Variants in EXOC6 observed in about 807,000 individuals in gnomAD.
EXOC6 encodes SEC15-like 1.
In EXOC6, 60 loss-of-function variants were observed where a neutral mutation model predicts 112.5. That is an observed-to-expected ratio of 0.53 (90% CI 0.43 to 0.66). The LOEUF (loss-of-function observed/expected upper bound fraction) is 0.66. EXOC6 is among the 30% of genes least tolerant of loss of function. EXOC6 has a pLI of 0.00. For synonymous variants in EXOC6, 295 were observed against 308.0 expected, an observed-to-expected ratio of 0.96 and a Z score of 0.44; for missense variants, 855 against 957.1, an observed-to-expected ratio of 0.89 and a Z score of 1.41.
In EXOC6 at chr10:93,027,685, T is replaced by G. The variant is rs78528813; in HGVS notation, c.2169+13418T>G. On this transcript the variant is annotated intron_variant, in intron 20 of 21. Coordinates refer to ENST00000260762, the MANE Select transcript of EXOC6 (RefSeq NM_019053.6). ...GACAGCACATCTATTTATAGCATGG[T>G]TTGTTGAATATTTTAAGTGCACTGT... 5.0e-3 allele frequency among the ~76,000 whole-genome samples: 756 copies of G among 152,228 alleles called. 4 individuals carry two copies. Among genetic ancestry groups the G allele is most frequent in the African/African-American group, 0.013 (529 of 41,542 alleles).
At chr10:93,008,451 G>T (rs1328915725) in intron 19 of EXOC6, among the ~76,000 whole-genome samples, 1 of 152,156 alleles carries the variant, frequency 6.6e-6, no homozygotes, top group African/African-American at 2.4e-5. Context: ...CCATAATAGG[G>T]GGGGAAGTGG....
chr10:92,848,526 C>T lies in EXOC6; in HGVS notation c.-8C>T, dbSNP rs200138547. 7.2e-7 allele frequency: 1 copy of T among 1,383,078 alleles called. No homozygotes were observed. The highest frequency in any genetic ancestry group is 9.6e-7 in the Non-Finnish European group (1 of 1,045,942). 85.7% of individuals were successfully genotyped at this position (1,383,078 alleles called of 1,614,324 possible). A position where few individuals can be genotyped will look rare whatever the true frequency, so the allele number is the denominator to read the frequency against. On this transcript the variant is annotated 5_prime_UTR_variant, in exon 1 of 22. Coordinates refer to ENST00000260762, the MANE Select transcript of EXOC6 (RefSeq NM_019053.6). ...CGCGCCTCGCTGGCTCCTCAGCTTC[C>T]AGCCAAAATGGCGGAGAACAGCGAG... is the stretch of plus-strand genomic sequence containing the variant.
intron 1 of EXOC6, among the ~76,000 whole-genome samples, chr10:92,843,430 T>A (rs1846930736): frequency 6.6e-6 from 1 of 152,260 alleles, no homozygotes; most frequent in Non-Finnish European, 1.5e-5. Context: ...AGTTCTATAA[T>A]TCTATAACAA....
At chr10:93,010,852 G>A (rs563889465) in intron 19 of EXOC6, among the ~76,000 whole-genome samples, 1 of 152,188 alleles carries the variant, frequency 6.6e-6, no homozygotes, top group African/African-American at 2.4e-5. Context: ...TTATTGTGAT[G>A]CTCAGAGCAG....
chr10:92,989,514 T>G (rs1027977870), intron 18 of EXOC6, among the ~76,000 whole-genome samples: 4 of 152,206 alleles, frequency 2.6e-5, no homozygotes, highest in African/African-American at 9.6e-5. Flanking sequence ...CTCTCTAGAC[T>G]CAACTGTAAA....
chr10:93,037,553 C>T (rs1845567487), intron 20 of EXOC6, among the ~76,000 whole-genome samples: 1 of 151,460 alleles, frequency 6.6e-6, no homozygotes, highest in Non-Finnish European at 1.5e-5. Flanking sequence ...GATTCTCCTG[C>T]CTCAGCCTCC....
At chr10:92,839,346 T>C (rs1186620561) in intron 1 of EXOC6, among the ~76,000 whole-genome samples, 4 of 152,174 alleles carry the variant, frequency 2.6e-5, no homozygotes, top group African/African-American at 9.7e-5. Context: ...TTAATGGCTG[T>C]CCGGGGCCAT....
chr10:92,890,107 A>G (rs1035446543), intron 1 of EXOC6, among the ~76,000 whole-genome samples: 5 of 152,192 alleles, frequency 3.3e-5, no homozygotes, highest in African/African-American at 1.2e-4. Context: ...TAAACATGGA[A>G]TAGTTCTTTA....
chr10:93,014,286 C>T lies in EXOC6; in HGVS notation c.2169+19C>T. On this transcript the variant is annotated intron_variant, in intron 20 of 21. Coordinates refer to ENST00000260762, the MANE Select transcript of EXOC6 (RefSeq NM_019053.6). ...CAGACAAGTAAGATATAATAATGTA[C>T]TTCCCATTTGTTGCCCTCTAACTCT... 1.3e-6 allele frequency: 2 copies of T among 1,591,832 alleles called. No homozygotes were observed. The highest frequency in any genetic ancestry group is 8.6e-7 in the Non-Finnish European group (1 of 1,161,338).
intron 1 of EXOC6, among the ~76,000 whole-genome samples, chr10:92,879,473 A>G (rs1274462090): frequency 6.6e-6 from 1 of 152,170 alleles, no homozygotes; most frequent in Non-Finnish European, 1.5e-5. Context: ...TCTCTAAAAG[A>G]GAAAAAAAAG....
chr10:93,023,207 G>A (rs1471876642), intron 20 of EXOC6, among the ~76,000 whole-genome samples: 2 of 151,964 alleles, frequency 1.3e-5, no homozygotes, highest in East Asian at 1.9e-4. Context: ...CTGCCCACCC[G>A]GACTTTGCCC....
intron 18 of EXOC6, among the ~76,000 whole-genome samples, chr10:92,994,407 TA>T: frequency 7.1e-6 from 1 of 140,576 alleles, no homozygotes; most frequent in East Asian, 1.9e-4. Context: ...GAAGTTTGTC[TA>T]AGGGTTTTCT....
At chr10:92,958,319 A>G (rs1187235392) in intron 17 of EXOC6, among the ~76,000 whole-genome samples, 2 of 152,214 alleles carry the variant, frequency 1.3e-5, no homozygotes, top group East Asian at 3.9e-4. Context: ...CTTGTGTGGT[A>G]GAGAAATAGT....
intron 20 of EXOC6, among the ~76,000 whole-genome samples, chr10:93,033,400 A>G (rs983434670): frequency 3.3e-5 from 5 of 152,146 alleles, no homozygotes; most frequent in Admixed American, 3.3e-4. Context: ...ACCCTGAGCA[A>G]CTGGTTTGTT....
At chr10:93,013,916 G>A (rs1844376649) in intron 19 of EXOC6, among the ~76,000 whole-genome samples, 1 of 152,120 alleles carries the variant, frequency 6.6e-6, no homozygotes, top group African/African-American at 2.4e-5. Flanking sequence ...GTACGTTACT[G>A]TTAAATTTTA....
intron 15 of EXOC6, among the ~76,000 whole-genome samples, chr10:92,953,835 A>C (rs1054290758): frequency 6.6e-6 from 1 of 152,234 alleles, no homozygotes; most frequent in Non-Finnish European, 1.5e-5. Flanking sequence ...AAGGTAATTT[A>C]TTTCTTTGAA....
intron 18 of EXOC6, among the ~76,000 whole-genome samples, chr10:92,977,028 TATC>T (rs931829894): frequency 2.0e-5 from 3 of 152,208 alleles, no homozygotes; most frequent in Admixed American, 2.0e-4. Flanking sequence ...GAAGAAATTT[TATC>T]AACCTTTTTA....
chr10:92,890,684 A>G (rs1020973906), intron 1 of EXOC6, among the ~76,000 whole-genome samples: 10 of 152,104 alleles, frequency 6.6e-5, no homozygotes, highest in Admixed American at 2.0e-4. Context: ...CTGCCTATCT[A>G]TCTCTGTGTC....
chr10:92,923,205 T>A (rs1211797924), intron 8 of EXOC6, among the ~76,000 whole-genome samples: 2 of 152,118 alleles, frequency 1.3e-5, no homozygotes, highest in African/African-American at 4.8e-5. Flanking sequence ...GGCACACAAT[T>A]TTTTGCCTTA....
Sources: allele counts gnomAD v4.1 joint callset (sites outside exome capture counted in the v4.1 genomes callset), GRCh38; gene constraint gnomAD v4.1.1; transcripts MANE v1.5; gene names NCBI Gene and HGNC (gene_info 2026-07-23, HGNC 2026-07-21).